ST3GAL3: variants seen among roughly 807,000 people sequenced by gnomAD.
The protein encoded by ST3GAL3 is ST3 beta-galactoside alpha-2,3-sialyltransferase 3.
Under a neutral mutation model 50.1 loss-of-function variants are expected in ST3GAL3, and 21 were observed. That is an observed-to-expected ratio of 0.42 (90% CI 0.30 to 0.60). The LOEUF is 0.60. Among genes scored for constraint, ST3GAL3 ranks in the 20% least tolerant of loss-of-function variants. ST3GAL3 has a pLI of 0.19. For synonymous variants in ST3GAL3, 183 were observed against 190.0 expected, an observed-to-expected ratio of 0.96 and a Z score of 0.30; for missense variants, 353 against 489.4, an observed-to-expected ratio of 0.72 and a Z score of 2.63.
At position 43,814,185 on chromosome 1, in the gene ST3GAL3, T is replaced by C. The variant is rs573226169; in HGVS notation, c.167-706T>C. Among the ~76,000 whole-genome samples, 8 of 152,332 alleles carry C rather than the reference T, an allele frequency of 5.3e-5. No individual in the cohort carries two copies. In the South Asian group the frequency reaches 1.0e-3, roughly 20 times the overall value. On this transcript the variant is annotated intron_variant, in intron 3 of 11. Coordinates refer to ENST00000347631, the MANE Select transcript of ST3GAL3 (RefSeq NM_006279.5). ...AGCAAGCACACAGAGCCCTAAGATATTCACTTTTGCTCTTTTCCTTACCCC... is the reference window on the plus strand; with the variant it reads ...AGCAAGCACACAGAGCCCTAAGATACTCACTTTTGCTCTTTTCCTTACCCC...
intron 2 of ST3GAL3, among the ~76,000 whole-genome samples, chr1:43,783,227 A>G (rs1255796904): frequency 6.6e-6 from 1 of 152,188 alleles, no homozygotes; most frequent in Non-Finnish European, 1.5e-5. Flanking sequence ...TGTGCTGCAC[A>G]GGTCCATGCC....
chr1:43,726,088 C>T (rs11210907), intron 1 of ST3GAL3, among the ~76,000 whole-genome samples: 102,843 of 151,894 alleles, frequency 0.68, 35,185 homozygotes, highest in East Asian at 0.72. Context: ...TTTAAAATTC[C>T]TTTCCCTTTT....
At chr1:43,792,280 G>C (rs2058174754) in intron 3 of ST3GAL3, 131 bp downstream of exon 3, 1 of 1,190,630 alleles carries the variant, frequency 8.4e-7, no homozygotes, top group Admixed American at 1.7e-5. Context: ...GTCTCAAGAA[G>C]CCTTTCTAGA....
chr1:43,867,137 A>T (rs920981776), intron 5 of ST3GAL3, among the ~76,000 whole-genome samples: 2 of 152,226 alleles, frequency 1.3e-5, no homozygotes, highest in African/African-American at 4.8e-5. Context: ...CTCAAAATAA[A>T]TAAAGCCATC....
At position 43,736,443 on chromosome 1, in the gene ST3GAL3, C is replaced by T. The variant is rs369996302; in HGVS notation, c.118+63C>T. On this transcript the variant is annotated intron_variant, in intron 2 of 11. Coordinates refer to ENST00000347631, the MANE Select transcript of ST3GAL3 (RefSeq NM_006279.5). The stretch of plus-strand genomic sequence containing the variant: ...TGTTGCAGGTCAGTTACTGGTTTTT[C>T]GTGTGGCTGCGTCTCATATTCTTCA... 8.1e-5 allele frequency: 130 copies of T among 1,613,826 alleles called. No homozygotes were observed. The African/African-American group carries it at 1.1e-3, about 13-fold the overall frequency.
intron 9 of ST3GAL3, among the ~76,000 whole-genome samples, chr1:43,917,499 ATATAT>A (rs1351326259): frequency 9.9e-4 from 71 of 71,988 alleles, no homozygotes; most frequent in South Asian, 2.2e-3. Flanking sequence ...AATATATATA[ATATAT>A]TATATAATAT....
chr1:43,925,994 C>G (rs2083848920), intron 11 of ST3GAL3, among the ~76,000 whole-genome samples: 1 of 152,066 alleles, frequency 6.6e-6, no homozygotes, highest in East Asian at 1.9e-4. Context: ...GTAGACGGCA[C>G]CTACATCTGT....
chr1:43,865,765 C>A (rs1399380310), intron 5 of ST3GAL3, among the ~76,000 whole-genome samples: 2 of 152,194 alleles, frequency 1.3e-5, no homozygotes, highest in Non-Finnish European at 2.9e-5. Context: ...GACCTCTTGA[C>A]CTTCATTCTG....
At chr1:43,852,102 G>T (rs2067441201) in intron 5 of ST3GAL3, among the ~76,000 whole-genome samples, 2 of 152,176 alleles carry the variant, frequency 1.3e-5, no homozygotes, top group Non-Finnish European at 2.9e-5. Flanking sequence ...TAAAGGAAGG[G>T]GTGCTGATGT....
intron 1 of ST3GAL3, among the ~76,000 whole-genome samples, chr1:43,713,220 G>A (rs1665666438): frequency 6.6e-6 from 1 of 152,178 alleles, no homozygotes; most frequent in African/African-American, 2.4e-5. Context: ...AGCAGACCAG[G>A]ATTTCAGTCA....
intron 5 of ST3GAL3, among the ~76,000 whole-genome samples, chr1:43,860,602 C>T (rs2154230970): frequency 6.6e-6 from 1 of 152,366 alleles, no homozygotes; most frequent in South Asian, 2.1e-4. Context: ...AGGTACTCCA[C>T]AGAGGAGCAT....
At chr1:43,860,932 C>G (rs1287937202) in intron 5 of ST3GAL3, among the ~76,000 whole-genome samples, 1 of 152,216 alleles carries the variant, frequency 6.6e-6, no homozygotes, top group Non-Finnish European at 1.5e-5. Context: ...CTTAGACTGT[C>G]ATCTGTTGGC....
intron 4 of ST3GAL3, among the ~76,000 whole-genome samples, chr1:43,820,834 G>T (rs2062002305): frequency 6.6e-6 from 1 of 152,118 alleles, no homozygotes; most frequent in Non-Finnish European, 1.5e-5. Flanking sequence ...ATGGATTTTT[G>T]AGGCCCAGTT....
At chr1:43,741,081 C>G (rs897912276) in intron 2 of ST3GAL3, among the ~76,000 whole-genome samples, 3 of 152,134 alleles carry the variant, frequency 2.0e-5, no homozygotes, top group African/African-American at 7.2e-5. Flanking sequence ...AATCTCAGCA[C>G]TTTTGGAGGC....
intron 2 of ST3GAL3, among the ~76,000 whole-genome samples, chr1:43,761,690 C>T (rs1360455445): frequency 3.3e-5 from 5 of 151,876 alleles, no homozygotes; most frequent in African/African-American, 1.2e-4. Context: ...GTGGCTCATG[C>T]CTGTAATCCC....
intron 2 of ST3GAL3, among the ~76,000 whole-genome samples, chr1:43,777,712 T>A (rs577189657): frequency 6.6e-6 from 1 of 152,308 alleles, no homozygotes; most frequent in South Asian, 2.1e-4. Flanking sequence ...GATTTCGGGA[T>A]GAAAATGCCA....
Position 43,737,507 on chromosome 1 carries a change from A to G in ST3GAL3, c.118+1127A>G, listed in dbSNP as rs1679024533. On this transcript the variant is annotated intron_variant, in intron 2 of 11. Transcript: ENST00000347631. The surrounding 1 kb of genome is among the most constrained non-coding windows in gnomAD (Gnocchi z 4.0). ...TTATATCCTTAATTTACTGTTTTAT[A>G]TAGAATATTTAAGTGCCTTTTAAAT... 1 of 152,262 alleles carries G rather than the reference A, an allele frequency of 6.6e-6. No homozygotes were observed. Among genetic ancestry groups the G allele is most frequent in the Non-Finnish European group, 1.5e-5 (1 of 68,050 alleles). 9.4% of individuals were successfully genotyped at this position (152,262 alleles called of 1,614,324 possible). A position where few individuals can be genotyped will look rare whatever the true frequency, so the allele number is the denominator to read the frequency against.
chr1:43,743,591 C>G (rs543210166), intron 2 of ST3GAL3: 1 of 358,240 alleles, frequency 2.8e-6, no homozygotes, highest in East Asian at 9.4e-5. Context: ...GAGGGTCTGT[C>G]AGTGAGGCAG....
intron 2 of ST3GAL3, among the ~76,000 whole-genome samples, chr1:43,782,058 G>A (rs984339358): frequency 3.3e-5 from 5 of 152,164 alleles, no homozygotes; most frequent in Non-Finnish European, 7.3e-5. Flanking sequence ...TTCTCACGGA[G>A]TTAACTGAAC....
Sources: allele counts gnomAD v4.1 joint callset (sites outside exome capture counted in the v4.1 genomes callset), GRCh38; gene constraint gnomAD v4.1.1; non-coding constraint Gnocchi (gnomAD v3.1); transcripts MANE v1.5; gene names NCBI Gene and HGNC (gene_info 2026-07-23, HGNC 2026-07-21).